FBXL7: variants seen among roughly 807,000 people sequenced by gnomAD.
FBXL7 encodes the protein F-box/LRR-repeat protein 7.
In FBXL7, 12 loss-of-function variants were observed where a neutral mutation model predicts 38.3. The observed-to-expected ratio is 0.31, with a 90% CI of 0.20 to 0.51. The LOEUF (loss-of-function observed/expected upper bound fraction) is 0.51, where lower values mean the gene tolerates loss of function less well. FBXL7 is among the 20% of genes least tolerant of loss of function. FBXL7 has a pLI of 0.98. For missense variants in FBXL7, 567 were observed against 676.4 expected (o/e 0.84, Z 1.79); for synonymous variants, 297 against 300.9 (o/e 0.99, Z 0.13).
At chr5:15,740,459 A>G (rs982185522) in intron 2 of FBXL7, among the ~76,000 whole-genome samples, 1 of 152,154 alleles carries the variant, frequency 6.6e-6, no homozygotes, top group Admixed American at 6.5e-5. Context: ...CATTTATAAT[A>G]TATCCACTGC....
chr5:15,581,720 T>TTCTTTCAC (rs1739147496), intron 1 of FBXL7, among the ~76,000 whole-genome samples: 1 of 152,038 alleles, frequency 6.6e-6, no homozygotes, highest in African/African-American at 2.4e-5. Context: ...GTCTGTCTCC[T>TTCTTTCAC]TCTTTCCCTC....
At chr5:15,819,725 G>A (rs1393953237) in intron 2 of FBXL7, among the ~76,000 whole-genome samples, 8 of 152,132 alleles carry the variant, frequency 5.3e-5, no homozygotes, top group Non-Finnish European at 7.4e-5. Context: ...AAGATTCTTC[G>A]TTAGGACATC....
At chr5:15,833,223 G>T (rs1489177577) in intron 2 of FBXL7, among the ~76,000 whole-genome samples, 1 of 152,172 alleles carries the variant, frequency 6.6e-6, no homozygotes, top group Non-Finnish European at 1.5e-5. Context: ...GGAAGGTGGG[G>T]AGTCCATGAT....
chr5:15,897,012 T>C (rs1032090334), intron 2 of FBXL7, among the ~76,000 whole-genome samples: 4 of 152,170 alleles, frequency 2.6e-5, no homozygotes, highest in African/African-American at 9.7e-5. Context: ...CATGTGCCTG[T>C]AATCCCAGCT....
At chr5:15,832,053 T>C (rs1338171265) in intron 2 of FBXL7, among the ~76,000 whole-genome samples, 1 of 152,136 alleles carries the variant, frequency 6.6e-6, no homozygotes, top group African/African-American at 2.4e-5. Context: ...CTACTCTAAA[T>C]ACTTTATTTA....
chr5:15,925,814 A>G (rs537443110), intron 2 of FBXL7, among the ~76,000 whole-genome samples: 1 of 152,366 alleles, frequency 6.6e-6, no homozygotes, highest in East Asian at 1.9e-4. Flanking sequence ...TCCTGATTTT[A>G]CTATGGCTTA....
intron 2 of FBXL7, among the ~76,000 whole-genome samples, chr5:15,888,632 A>C (rs1315957449): frequency 2.0e-5 from 3 of 152,118 alleles, no homozygotes; most frequent in African/African-American, 7.2e-5. Context: ...TCAGTAGACC[A>C]TTTGGTCAGG....
At chr5:15,644,462 C>G (rs768086827) in intron 2 of FBXL7, among the ~76,000 whole-genome samples, 1 of 151,840 alleles carries the variant, frequency 6.6e-6, no homozygotes, top group East Asian at 1.9e-4. Context: ...GCAACAAGAG[C>G]GAAACTCTGT....
chr5:15,610,192 A>G (rs979833762), intron 1 of FBXL7, among the ~76,000 whole-genome samples: 1 of 152,210 alleles, frequency 6.6e-6, no homozygotes, highest in African/African-American at 2.4e-5. Flanking sequence ...GCTACAATTC[A>G]AGATGAGATT....
At chr5:15,860,848 G>T (rs1486239490) in intron 2 of FBXL7, among the ~76,000 whole-genome samples, 1 of 152,154 alleles carries the variant, frequency 6.6e-6, no homozygotes, top group Non-Finnish European at 1.5e-5. Context: ...TAGACCAGAT[G>T]TCTAATTATA....
rs146267592 is a variant in FBXL7, at chr5:15,833,249, G to A, written c.128-94641G>A. Among the ~76,000 whole-genome samples the A allele has an allele frequency of 2.7e-3, 417 of 152,286 alleles. 3 individuals are homozygous for A. The highest frequency in any genetic ancestry group is 9.4e-3 in the African/African-American group (390 of 41,554). Reference sequence around the variant, plus strand: ...AGTCCATGATCAAGGTCCCAGTAGGGCTCAGTCTCTGGCTGAGAGATGGCA... The same window carrying A: ...AGTCCATGATCAAGGTCCCAGTAGGACTCAGTCTCTGGCTGAGAGATGGCA... On this transcript the variant is annotated intron_variant, in intron 2 of 3. Transcript: ENST00000504595.
At chr5:15,522,382 A>G (rs1443053901) in intron 1 of FBXL7, among the ~76,000 whole-genome samples, 3 of 152,154 alleles carry the variant, frequency 2.0e-5, no homozygotes, top group African/African-American at 4.8e-5. Context: ...TCATAATTGT[A>G]TTCAGAGCTT....
intron 2 of FBXL7, among the ~76,000 whole-genome samples, chr5:15,824,779 G>A (rs943222650): frequency 2.6e-5 from 4 of 152,112 alleles, no homozygotes; most frequent in Non-Finnish European, 5.9e-5. Context: ...ATTTGGAATC[G>A]ATCTAGCAGA....
At chr5:15,890,118 C>T (rs1164209298) in intron 2 of FBXL7, among the ~76,000 whole-genome samples, 2 of 152,006 alleles carry the variant, frequency 1.3e-5, no homozygotes, top group Non-Finnish European at 2.9e-5. Flanking sequence ...TCCCCTAGCC[C>T]CTGGGCCACA....
rs143669156 is a variant in FBXL7, at chr5:15,526,449, G to A, written c.37+25736G>A. Among the ~76,000 whole-genome samples, 580 of 152,292 alleles carry A rather than the reference G, an allele frequency of 3.8e-3. 4 individuals are homozygous for A. Among genetic ancestry groups the A allele is most frequent in the Non-Finnish European group, 6.3e-3 (427 of 68,018 alleles). On this transcript the variant is annotated intron_variant, in intron 1 of 3. Transcript: ENST00000504595. ...TGTGGGGAACAAGAATTCCAAAGGC[G>A]TCTTTCGGTTGCCCTTAAAGCTTTG...
chr5:15,799,896 C>G (rs990127005), intron 2 of FBXL7, among the ~76,000 whole-genome samples: 2 of 151,840 alleles, frequency 1.3e-5, no homozygotes, highest in Non-Finnish European at 2.9e-5. Context: ...CTATCACTCT[C>G]AGCAGTTGAA....
chr5:15,609,712 G>T (rs1388123337), intron 1 of FBXL7, among the ~76,000 whole-genome samples: 5 of 152,224 alleles, frequency 3.3e-5, no homozygotes, highest in Admixed American at 2.6e-4. Flanking sequence ...TCCAGAAGCT[G>T]CAGCGAAGAC....
At chr5:15,713,839 G>C (rs187341217) in intron 2 of FBXL7, among the ~76,000 whole-genome samples, 1 of 152,198 alleles carries the variant, frequency 6.6e-6, no homozygotes, top group African/African-American at 2.4e-5. Flanking sequence ...TGTGGAGAAA[G>C]TTTGGTGGAT....
chr5:15,693,009 A>G (rs1339555160), intron 2 of FBXL7, among the ~76,000 whole-genome samples: 1 of 152,132 alleles, frequency 6.6e-6, no homozygotes, highest in Non-Finnish European at 1.5e-5. Context: ...TAAACAAAAC[A>G]ATGAGTTCCA....
Sources: gnomAD v4.1 joint callset for allele counts (sites outside exome capture counted in the v4.1 genomes callset) on GRCh38, gnomAD v4.1.1 for gene constraint, MANE v1.5 for transcripts, NCBI Gene and HGNC (gene_info 2026-07-23, HGNC 2026-07-21) for gene names.